Variants in BPIFC observed in about 807,000 individuals in gnomAD.
BPIFC encodes the protein BPI fold-containing family C protein.
BPIFC carries 60 observed loss-of-function variants against 57.6 expected under a neutral mutation model. That is an observed-to-expected ratio of 1.04 (90% CI 0.85 to 1.29). BPIFC has a LOEUF of 1.29. Among genes scored for constraint, BPIFC ranks in the 50% most tolerant of loss-of-function variants. The pLI is 0.00. For missense variants in BPIFC, 581 were observed against 600.5 expected (o/e 0.97, Z 0.34); for synonymous variants, 243 against 224.5 (o/e 1.08, Z -0.74).
Position 32,446,758 on chromosome 22 carries a change from G to A in BPIFC, c.374+454C>T, listed in dbSNP as rs117463323. 134 of 985,370 alleles carry A rather than the reference G, an allele frequency of 1.4e-4. No homozygotes were observed. In the East Asian group the frequency reaches 0.012, roughly 90 times the overall value. The allele number at this position is 985,370 out of a possible 1,614,324, so 61.0% of individuals were successfully genotyped here. On this transcript the variant is annotated intron_variant, in intron 5 of 16. Coordinates refer to ENST00000300399, the MANE Select transcript of BPIFC (RefSeq NM_174932.3). ...TGAATCTGATTTCCTCCTTCTACAC[G>A]AGGGTGCAAAGGCCTTCCAGTTGGG...
intron 9 of BPIFC, among the ~76,000 whole-genome samples, 167 bp from the exon 10 acceptor site, chr22:32,436,047 A>G (rs1365063380): frequency 6.6e-6 from 1 of 152,222 alleles, no homozygotes; most frequent in Non-Finnish European, 1.5e-5. Context: ...AGGCGGGTGA[A>G]TCACTGGAAC....
At chr22:32,457,454 C>A in intron 2 of BPIFC, 68 bp from the exon 3 acceptor site, 1 of 1,547,380 alleles carries the variant, frequency 6.5e-7, no homozygotes, top group Non-Finnish European at 8.7e-7. Context: ...TTAAATCCAA[C>A]ATTTCTAGAT....
chr22:32,420,273 G>A (rs550787019), intron 13 of BPIFC, among the ~76,000 whole-genome samples: 2 of 148,550 alleles, frequency 1.3e-5, no homozygotes, highest in Non-Finnish European at 3.0e-5. Flanking sequence ...AGCAGAGATC[G>A]CGCCACTGCA....
intron 2 of BPIFC, among the ~76,000 whole-genome samples, chr22:32,461,234 A>G (rs976901692): frequency 6.6e-6 from 1 of 152,214 alleles, no homozygotes; most frequent in Non-Finnish European, 1.5e-5. Flanking sequence ...ATATGGCCTT[A>G]TGAATCCAGC....
At chr22:32,442,394 G>A (rs1162944085) in intron 8 of BPIFC, among the ~76,000 whole-genome samples, 1 of 152,106 alleles carries the variant, frequency 6.6e-6, no homozygotes, top group African/African-American at 2.4e-5. Flanking sequence ...TAATGTCACT[G>A]CTTGGGTTCG....
intron 4 of BPIFC, among the ~76,000 whole-genome samples, chr22:32,452,875 T>C (rs1934933884): frequency 6.6e-6 from 1 of 152,200 alleles, no homozygotes; most frequent in Non-Finnish European, 1.5e-5. Context: ...ATCCTCTCCT[T>C]ATACTGCCTT....
In BPIFC at chr22:32,433,594, G is replaced by GA. The variant is rs1934306834; in HGVS notation, c.978+124dup. On this transcript the variant is annotated intron_variant, in intron 11 of 16. Coordinates refer to ENST00000300399, the MANE Select transcript of BPIFC (RefSeq NM_174932.3). ...AATATTTGTAGATATTCGATTACGA[G>GA]AAAAAACTCCCAATAATAGACAGAG... is the stretch of plus-strand genomic sequence containing the variant. The GA allele has an allele frequency of 7.5e-6, 6 of 797,450 alleles. No individual in the cohort carries two copies. The East Asian group carries it at 1.6e-4, about 21-fold the overall frequency. 49.4% of individuals were successfully genotyped at this position (797,450 alleles called of 1,614,324 possible).
At chr22:32,430,911 C>T (rs892414803) in intron 13 of BPIFC, among the ~76,000 whole-genome samples, 124 of 152,222 alleles carry the variant, frequency 8.1e-4, no homozygotes, top group African/African-American at 2.7e-3. Flanking sequence ...GCTGGGATTA[C>T]AGGTGAGAGC....
chr22:32,419,212 T>A (rs1458955998), intron 14 of BPIFC, 150 bp downstream of exon 14: 2 of 739,428 alleles, frequency 2.7e-6, no homozygotes, highest in Non-Finnish European at 4.4e-6. Context: ...AATTGATGAG[T>A]AGCTACATAA....
intron 3 of BPIFC, among the ~76,000 whole-genome samples, chr22:32,455,855 T>C (rs1935024100): frequency 6.6e-6 from 1 of 152,216 alleles, no homozygotes; most frequent in Non-Finnish European, 1.5e-5. Context: ...CCATGGTAGA[T>C]GCTCAAGAAA....
chr22:32,453,836 A>C (rs1934964900), intron 3 of BPIFC, among the ~76,000 whole-genome samples: 1 of 152,140 alleles, frequency 6.6e-6, no homozygotes, highest in South Asian at 2.1e-4. Context: ...TAATCCCAGC[A>C]CTTTGGGAGG....
chr22:32,432,651 G>C, intron 11 of BPIFC, 108 bp from the exon 12 acceptor site: 2 of 1,073,372 alleles, frequency 1.9e-6, no homozygotes, highest in Non-Finnish European at 2.7e-6. Flanking sequence ...TGTGCAGTTA[G>C]AATAGAAAAA....
intron 2 of BPIFC, among the ~76,000 whole-genome samples, chr22:32,459,341 G>A (rs1935110058): frequency 6.6e-6 from 1 of 152,008 alleles, no homozygotes; most frequent in African/African-American, 2.4e-5. Flanking sequence ...CCAGCCTGTG[G>A]AACATGGCAG....
rs780600384 is a variant in BPIFC at position 32,414,405 on chromosome 22, G to T, written c.1422C>A (p.Thr474=). ...EVLEGFLLIS[T]DLKYETSSKQ... Reference sequence around the variant, plus strand: ...TTGAGGATGTTTCATACTTCAGGTCGGTGGAAATCAAAAGGAAACCCTGGA... The same window carrying T: ...TTGAGGATGTTTCATACTTCAGGTCTGTGGAAATCAAAAGGAAACCCTGGA... Residue 474 remains threonine (T), a synonymous_variant, in exon 17 of 17, where the codon ACC becomes ACA. Transcript: ENST00000300399. The T allele has an allele frequency of 6.2e-7, 1 of 1,613,714 alleles. No individual in the cohort carries two copies.
chr22:32,433,606 A>G lies in BPIFC; in HGVS notation c.978+113T>C, dbSNP rs2145931466. ...TATTCGATTACGAGAAAAAACTCCC[A>G]ATAATAGACAGAGGGACTTATCCAA... On this transcript the variant is annotated intron_variant, in intron 11 of 16. Transcript: ENST00000300399. 25 of 895,550 alleles carry G rather than the reference A, an allele frequency of 2.8e-5. No individual in the cohort carries two copies. In the South Asian group the frequency reaches 3.3e-4, roughly 12 times the overall value. The allele number at this position is 895,550 out of a possible 1,614,324, so 55.5% of individuals were successfully genotyped here. A position where few individuals can be genotyped will look rare whatever the true frequency, so the allele number is the denominator to read the frequency against.
At chr22:32,436,491 G>T (rs1250075830) in intron 9 of BPIFC, among the ~76,000 whole-genome samples, 1 of 152,086 alleles carries the variant, frequency 6.6e-6, no homozygotes, top group African/African-American at 2.4e-5. Flanking sequence ...AGAAGAAGAA[G>T]AAGAATCCTA....
rs750763417 is a variant in BPIFC at position 32,431,431 on chromosome 22, CATTTATTATTAAGACGAGTGAGTGTCA to C, written c.1150-44_1150-18del. On this transcript the variant is annotated intron_variant, in intron 12 of 16. Transcript: ENST00000300399. Reference sequence around the variant, plus strand: ...ACTAGCAACCTATAGACAATAAAAGCATTTATTATTAAGACGAGTGAGTGTCAATTTTGGCCATCAGTATAATTTCCA... The same window carrying C: ...ACTAGCAACCTATAGACAATAAAAGCATTTTGGCCATCAGTATAATTTCCA... 137 of 1,543,208 alleles carry C rather than the reference CATTTATTATTAAGACGAGTGAGTGTCA, an allele frequency of 8.9e-5. 5 individuals carry two copies. The Middle Eastern group carries it at 2.0e-3, about 23-fold the overall frequency.
chr22:32,457,188 T>A, intron 3 of BPIFC, 75 bp downstream of exon 3: 1 of 1,489,966 alleles, frequency 6.7e-7, no homozygotes. Context: ...CAGCCCATGT[T>A]ATGAGCTGTT....
intron 13 of BPIFC, among the ~76,000 whole-genome samples, chr22:32,422,959 C>T (rs1424126480): frequency 6.6e-6 from 1 of 152,126 alleles, no homozygotes; most frequent in African/African-American, 2.4e-5. Flanking sequence ...CAGTGCAAAG[C>T]ACATAATAGG....
Sources: gnomAD v4.1 joint callset for allele counts (sites outside exome capture counted in the v4.1 genomes callset) on GRCh38, gnomAD v4.1.1 for gene constraint, MANE v1.5 for transcripts, NCBI Gene and HGNC (gene_info 2026-07-23, HGNC 2026-07-21) for gene names.